Variants in STRBP observed in about 807,000 individuals in gnomAD.
STRBP encodes the protein spermatid perinuclear RNA-binding protein.
In STRBP, 13 loss-of-function variants were observed where a neutral mutation model predicts 80.1. The ratio of observed to expected loss-of-function variants is 0.16; its 90% CI spans 0.11 to 0.26. STRBP has a LOEUF of 0.26. STRBP is among the 10% of genes least tolerant of loss of function. The probability of loss-of-function intolerance (pLI) is 1.00; values close to 1 mark genes in which losing one functional copy is unlikely to be tolerated. For synonymous variants in STRBP, 284 were observed against 291.2 expected, an observed-to-expected ratio of 0.98 and a Z score of 0.25; for missense variants, 485 against 815.2, an observed-to-expected ratio of 0.59 and a Z score of 4.93.
At chr9:123,173,863 G>A (rs749404930) in intron 4 of STRBP, 21 bp from the exon 5 acceptor site, 1 of 1,576,156 alleles carries the variant, frequency 6.3e-7, no homozygotes, top group South Asian at 1.2e-5. Context: ...AAGTCTGCAT[G>A]ATTACTTTCA....
chr9:123,203,403 C>T (rs990955740), intron 2 of STRBP, among the ~76,000 whole-genome samples: 1 of 151,738 alleles, frequency 6.6e-6, no homozygotes, highest in Non-Finnish European at 1.5e-5. Flanking sequence ...CTGCTCAAAA[C>T]CTTCTAATAG....
intron 2 of STRBP, among the ~76,000 whole-genome samples, chr9:123,227,090 A>G (rs911408235): frequency 6.6e-6 from 1 of 152,192 alleles, no homozygotes; most frequent in Non-Finnish European, 1.5e-5. Context: ...CACCTCCCCA[A>G]GTTGCTGCGG....
chr9:123,189,636 G>A (rs1044004992), intron 2 of STRBP, among the ~76,000 whole-genome samples: 2 of 151,890 alleles, frequency 1.3e-5, no homozygotes, highest in Middle Eastern at 3.4e-3. Flanking sequence ...TCATAGGTGG[G>A]AATTGAACAA....
intron 8 of STRBP, among the ~76,000 whole-genome samples, chr9:123,160,160 T>C (rs1247891407): frequency 6.6e-6 from 1 of 152,128 alleles, no homozygotes; most frequent in Non-Finnish European, 1.5e-5. Flanking sequence ...CTCTGTAACA[T>C]GAATACAATG....
At chr9:123,177,610 T>C (rs2038277056) in intron 4 of STRBP, among the ~76,000 whole-genome samples, 1 of 152,138 alleles carries the variant, frequency 6.6e-6, no homozygotes, top group Admixed American at 6.6e-5. Flanking sequence ...AATAAAAGTA[T>C]GGAGCATATT....
chr9:123,200,560 ATT>A (rs1243929923), intron 2 of STRBP, among the ~76,000 whole-genome samples: 1 of 146,316 alleles, frequency 6.8e-6, no homozygotes, highest in Admixed American at 6.8e-5. Context: ...TCTGTTGGCA[ATT>A]TTTTTGTCTT....
At chr9:123,183,476 A>AG (rs1340903408) in intron 3 of STRBP, among the ~76,000 whole-genome samples, 6 of 151,970 alleles carry the variant, frequency 3.9e-5, no homozygotes, top group Admixed American at 3.3e-4. Context: ...TATACTTAGG[A>AG]GAAAAAAAAT....
At chr9:123,223,918 GA>G (rs1409436654) in intron 2 of STRBP, among the ~76,000 whole-genome samples, 1 of 152,168 alleles carries the variant, frequency 6.6e-6, no homozygotes, top group Non-Finnish European at 1.5e-5. Flanking sequence ...GACACAGGCA[GA>G]ACCAAAGGTG....
Position 123,123,712 on chromosome 9 carries a change from T to C in STRBP, c.*1885A>G, listed in dbSNP as rs149723445. The C allele has an allele frequency of 1.0e-6, 1 of 985,398 alleles. No individual in the cohort carries two copies. Among genetic ancestry groups the C allele is most frequent in the Non-Finnish European group, 1.2e-6 (1 of 829,928 alleles). The allele number at this position is 985,398 out of a possible 1,614,324, so 61.0% of individuals were successfully genotyped here. On this transcript the variant is annotated 3_prime_UTR_variant, in exon 19 of 19. Coordinates refer to ENST00000348403, the MANE Select transcript of STRBP (RefSeq NM_018387.5). ...ATTCCAACGTGGAATCCAAATTTGATGACCAATTTCAAATAACAATACAGC... is the reference window on the plus strand; with the variant it reads ...ATTCCAACGTGGAATCCAAATTTGACGACCAATTTCAAATAACAATACAGC...
chr9:123,190,640 A>G (rs942376572), intron 2 of STRBP, among the ~76,000 whole-genome samples: 9 of 152,254 alleles, frequency 5.9e-5, no homozygotes, highest in African/African-American at 1.2e-4. Context: ...TAATGGGCAG[A>G]GGCCGAAAGG....
intron 1 of STRBP, among the ~76,000 whole-genome samples, chr9:123,250,550 C>G (rs1217743541): frequency 6.6e-6 from 1 of 151,986 alleles, no homozygotes; most frequent in Admixed American, 6.6e-5. Flanking sequence ...GCTGGCCTAA[C>G]TATATGTAGG....
chr9:123,214,526 T>C (rs1245554212), intron 2 of STRBP, among the ~76,000 whole-genome samples: 1 of 151,880 alleles, frequency 6.6e-6, no homozygotes, highest in Non-Finnish European at 1.5e-5. Flanking sequence ...ATTAAGAAAA[T>C]AAAAGAAAGA....
chr9:123,191,363 G>C (rs771236703), intron 2 of STRBP, among the ~76,000 whole-genome samples: 1 of 152,064 alleles, frequency 6.6e-6, no homozygotes, highest in Non-Finnish European at 1.5e-5. Flanking sequence ...GCGTTCAGTG[G>C]AAGAATAATA....
At chr9:123,241,195 A>AT (rs1491240908) in intron 1 of STRBP, among the ~76,000 whole-genome samples, 1 of 145,504 alleles carries the variant, frequency 6.9e-6, no homozygotes, top group Non-Finnish European at 1.5e-5. Flanking sequence ...AAAAAAAAAA[A>AT]CAAAGTGATT....
At chr9:123,121,000 A>G (rs1029261815), downstream of STRBP, among the ~76,000 whole-genome samples, 3 of 152,256 alleles carry the variant, frequency 2.0e-5, no homozygotes, top group Non-Finnish European at 4.4e-5. Flanking sequence ...CAATTCCAAC[A>G]ACAAGGAGAC....
chr9:123,171,020 C>T (rs1588038015), intron 5 of STRBP, among the ~76,000 whole-genome samples: 1 of 151,926 alleles, frequency 6.6e-6, no homozygotes, highest in Non-Finnish European at 1.5e-5. Flanking sequence ...CATTATCCTA[C>T]TTTTGAATAG....
At chr9:123,203,915 T>C (rs896417893) in intron 2 of STRBP, among the ~76,000 whole-genome samples, 2 of 152,086 alleles carry the variant, frequency 1.3e-5, no homozygotes, top group South Asian at 4.1e-4. Context: ...GAGGTTGCAG[T>C]GAGCCAAGAT....
At chr9:123,137,497 C>T (rs1487449361) in intron 14 of STRBP, among the ~76,000 whole-genome samples, 7 of 152,284 alleles carry the variant, frequency 4.6e-5, no homozygotes, top group South Asian at 4.1e-4. Context: ...GCAACCTCCA[C>T]CTCCTGGGTT....
At chr9:123,120,230 C>T (rs968408308), downstream of STRBP, among the ~76,000 whole-genome samples, 3 of 151,870 alleles carry the variant, frequency 2.0e-5, no homozygotes, top group African/African-American at 7.3e-5. Context: ...TCCAAGACTC[C>T]TAATAACACC....
Sources: allele counts gnomAD v4.1 joint callset (sites outside exome capture counted in the v4.1 genomes callset), GRCh38; gene constraint gnomAD v4.1.1; transcripts MANE v1.5; gene names NCBI Gene and HGNC (gene_info 2026-07-23, HGNC 2026-07-21).